COL5A1: variants seen among roughly 807,000 people sequenced by gnomAD.
The protein encoded by COL5A1 is collagen alpha-1(V) chain.
A neutral mutation model predicts 263.7 loss-of-function variants in COL5A1; 16 were observed. The observed-to-expected ratio is 0.06, with a 90% CI of 0.04 to 0.09. The LOEUF is 0.09. Among genes scored for constraint, COL5A1 ranks in the 10% least tolerant of loss-of-function variants. The pLI, the probability that COL5A1 is intolerant of heterozygous loss-of-function variation, is 1.00. For synonymous variants in COL5A1, 1,012 were observed against 1,004.5 expected, an observed-to-expected ratio of 1.01 and a Z score of -0.14; for missense variants, 2,036 against 2,540.5, an observed-to-expected ratio of 0.80 and a Z score of 4.27.
chr9:134,786,137 C>T, intron 31 of COL5A1, 89 bp downstream of exon 31: 5 of 1,221,736 alleles, frequency 4.1e-6, no homozygotes, highest in South Asian at 1.3e-5. Context: ...TGTTAGGTGT[C>T]CCGGCACAGG....
intron 27 of COL5A1, among the ~76,000 whole-genome samples, chr9:134,775,292 A>T (rs9409991): frequency 0.03 from 4,536 of 152,242 alleles, 104 homozygotes; most frequent in Non-Finnish European, 0.048. Context: ...GCTGAAGCCA[A>T]GAGCCTGGCC....
rs1352921088 is a variant in COL5A1, at chr9:134,696,171, A to G, written c.278-3738A>G. Among the ~76,000 whole-genome samples the G allele has an allele frequency of 1.4e-5, 2 of 147,678 alleles. No individual in the cohort carries two copies. The highest frequency in any genetic ancestry group is 5.2e-5 in the African/African-American group (2 of 38,222). On this transcript the variant is annotated intron_variant, in intron 2 of 65. Transcript: ENST00000371817. This position sits in a 1 kb window ranked among gnomAD's most constrained non-coding sequence, Gnocchi z 4.3. ...CCCACTGCCCCCTGCATTATTTGCA[A>G]TTATTATTATTATTATTATTGAGAC...
chr9:134,803,767 C>T (rs1016296778), intron 39 of COL5A1, among the ~76,000 whole-genome samples: 4 of 151,398 alleles, frequency 2.6e-5, no homozygotes, highest in African/African-American at 7.3e-5. Flanking sequence ...GGTGTGAACT[C>T]GGGGGGCGGA....
rs549900726 is a variant in COL5A1, at chr9:134,741,390, G to A, written c.1494+2582G>A. 2.6e-5 allele frequency among the ~76,000 whole-genome samples: 4 copies of A among 152,320 alleles called. No individual in the cohort carries two copies. Among genetic ancestry groups the A allele is most frequent in the Non-Finnish European group, 5.9e-5 (4 of 68,032 alleles). ...GGGAGCATATATACCATTTTAACAA[G>A]CAGCAATAGGATGTGGAGAAGTGGC... On this transcript the variant is annotated intron_variant, in intron 11 of 65. Transcript: ENST00000371817. The surrounding 1 kb of genome is among the most constrained non-coding windows in gnomAD (Gnocchi z 4.5).
chr9:134,743,850 G>C (rs150238681), intron 11 of COL5A1, among the ~76,000 whole-genome samples: 1,526 of 152,204 alleles, frequency 0.01, 11 homozygotes, highest in Middle Eastern at 0.02. Flanking sequence ...GAAAAGTTTC[G>C]TATGTAAGCC....
rs1831501837 is a variant in COL5A1 at position 134,647,156 on chromosome 9, G to A, written c.109+4860G>A. On this transcript the variant is annotated intron_variant, in intron 1 of 65. Coordinates refer to ENST00000371817, the MANE Select transcript of COL5A1 (RefSeq NM_000093.5). This position sits in a 1 kb window ranked among gnomAD's most constrained non-coding sequence, Gnocchi z 5.0. ...AAGCACAGGCGAGGGAGGTGTGCCT[G>A]TGTGGGGCCTGGCCCTGCTGAGACC... is the stretch of plus-strand genomic sequence containing the variant. 6.6e-6 allele frequency among the ~76,000 whole-genome samples: 1 copy of A among 152,196 alleles called. No homozygotes were observed. The highest frequency in any genetic ancestry group is 2.4e-5 in the African/African-American group (1 of 41,444).
chr9:134,743,774 T>C (rs920057198), intron 11 of COL5A1, among the ~76,000 whole-genome samples: 9 of 152,066 alleles, frequency 5.9e-5, no homozygotes, highest in African/African-American at 2.2e-4. Context: ...CTTCTCCCCC[T>C]CTTTTTTATG....
chr9:134,780,242 G>A (rs756533838), intron 28 of COL5A1, 96 bp downstream of exon 28: 19 of 1,213,002 alleles, frequency 1.6e-5, no homozygotes, highest in Non-Finnish European at 2.0e-5. Flanking sequence ...CATGAAACCA[G>A]CTGAGGTGGA....
chr9:134,750,492 C>G (rs1835736921), intron 11 of COL5A1, 50 bp from the exon 12 acceptor site: 1 of 1,554,294 alleles, frequency 6.4e-7, no homozygotes, highest in Admixed American at 1.7e-5. Flanking sequence ...TGCAGCCCAG[C>G]CCTGGCCTGG....
intron 27 of COL5A1, among the ~76,000 whole-genome samples, chr9:134,777,648 C>T (rs992586447): frequency 6.6e-6 from 1 of 152,130 alleles, no homozygotes; most frequent in African/African-American, 2.4e-5. Flanking sequence ...ACTGTAGGAC[C>T]GAGAGGGGTC....
intron 37 of COL5A1, 82 bp from the exon 38 acceptor site, chr9:134,801,872 C>T: frequency 7.9e-7 from 1 of 1,264,200 alleles, no homozygotes; most frequent in East Asian, 2.3e-5. Context: ...AGGTGGGGGG[C>T]AAGCGTCCTG....
intron 1 of COL5A1, among the ~76,000 whole-genome samples, chr9:134,663,029 T>C (rs1487241230): frequency 1.3e-5 from 2 of 152,232 alleles, no homozygotes; most frequent in Non-Finnish European, 2.9e-5. Context: ...TCTGTGAGCA[T>C]GTACGATGTC....
intron 63 of COL5A1, 21 bp from the exon 64 acceptor site, chr9:134,829,955 A>C (rs1367331102): frequency 6.2e-7 from 1 of 1,608,998 alleles, no homozygotes. Flanking sequence ...CTCCCTCCCC[A>C]CCTCCCCGCT....
rs779728932 is a variant in COL5A1, at chr9:134,818,628, C to G, written c.4231-28C>G. ...GGTGCCTGGAGCCTAGAGCTCCGGA[C>G]CTCATTCTGCCCTCCGCCGTCCTGC... On this transcript the variant is annotated intron_variant, in intron 54 of 65. Transcript: ENST00000371817. This position sits in a 1 kb window ranked among gnomAD's most constrained non-coding sequence, Gnocchi z 6.0. 2 of 1,558,928 alleles carry G rather than the reference C, an allele frequency of 1.3e-6. No homozygotes were observed. Among genetic ancestry groups the G allele is most frequent in the Admixed American group, 3.4e-5 (2 of 58,398 alleles).
Position 134,818,613 on chromosome 9 carries a change from G to A in COL5A1, c.4231-43G>A. On this transcript the variant is annotated intron_variant, in intron 54 of 65. Transcript: ENST00000371817. The surrounding 1 kb of genome is among the most constrained non-coding windows in gnomAD (Gnocchi z 6.0). ...GTGGTCCTGGGCCAGGGTGCCTGGA[G>A]CCTAGAGCTCCGGACCTCATTCTGC... The A allele has an allele frequency of 6.8e-7, 1 of 1,480,614 alleles. No homozygotes were observed. The highest frequency in any genetic ancestry group is 9.3e-7 in the Non-Finnish European group (1 of 1,073,508). The allele number at this position is 1,480,614 out of a possible 1,614,324, so 91.7% of individuals were successfully genotyped here. A position where few individuals can be genotyped will look rare whatever the true frequency, so the allele number is the denominator to read the frequency against.
At chr9:134,665,198 C>T (rs571795301) in intron 1 of COL5A1, among the ~76,000 whole-genome samples, 1 of 152,270 alleles carries the variant, frequency 6.6e-6, no homozygotes, top group Admixed American at 6.5e-5. Flanking sequence ...GACTCCGTCT[C>T]AAAACAAACA....
At chr9:134,764,368 G>A (rs1424764175) in intron 20 of COL5A1, among the ~76,000 whole-genome samples, 1 of 133,492 alleles carries the variant, frequency 7.5e-6, no homozygotes, top group Non-Finnish European at 1.5e-5. Flanking sequence ...GGATCTGAGT[G>A]CATTGTGAGG....
chr9:134,706,670 G>A (rs980717756), intron 4 of COL5A1, among the ~76,000 whole-genome samples: 11 of 152,228 alleles, frequency 7.2e-5, no homozygotes, highest in Non-Finnish European at 1.5e-4. Flanking sequence ...TCCCCAGCCT[G>A]GAAGGGATCC....
At chr9:134,835,622 A>C (rs1471850263) in intron 65 of COL5A1, among the ~76,000 whole-genome samples, 3 of 152,200 alleles carry the variant, frequency 2.0e-5, no homozygotes, top group Non-Finnish European at 4.4e-5. Flanking sequence ...GGCCGTCTGG[A>C]AACACTGCAG....
Sources: allele counts gnomAD v4.1 joint callset (sites outside exome capture counted in the v4.1 genomes callset), GRCh38; gene constraint gnomAD v4.1.1; non-coding constraint Gnocchi (gnomAD v3.1); transcripts MANE v1.5; gene names NCBI Gene and HGNC (gene_info 2026-07-23, HGNC 2026-07-21).